The following ARHGAP15 variants were observed in gnomAD, a reference collection of about 807,000 sequenced individuals.
The protein encoded by ARHGAP15 is Rho GTPase activating protein 15, also known as rho GTPase-activating protein 15.
A neutral mutation model predicts 63.7 loss-of-function variants in ARHGAP15; 51 were observed. The ratio of observed to expected loss-of-function variants is 0.80; its 90% CI spans 0.64 to 1.01. The LOEUF (loss-of-function observed/expected upper bound fraction) is 1.01, where lower values mean the gene tolerates loss of function less well. Among genes scored for constraint, ARHGAP15 ranks in the 50% least tolerant of loss-of-function variants. ARHGAP15 has a pLI of 0.00. For synonymous variants in ARHGAP15, 191 were observed against 193.8 expected, an observed-to-expected ratio of 0.99 and a Z score of 0.12; for missense variants, 560 against 564.6, an observed-to-expected ratio of 0.99 and a Z score of 0.08.
intron 2 of ARHGAP15, among the ~76,000 whole-genome samples, chr2:143,192,679 A>G (rs2105093437): frequency 6.6e-6 from 1 of 152,292 alleles, no homozygotes; most frequent in African/African-American, 2.4e-5. Context: ...TCTTTCCATT[A>G]AGACCTCCAG....
intron 8 of ARHGAP15, among the ~76,000 whole-genome samples, chr2:143,440,063 T>C (rs1334557824): frequency 1.3e-5 from 2 of 152,186 alleles, no homozygotes; most frequent in East Asian, 3.9e-4. Context: ...GGCCAGTATG[T>C]TTTTTGCAAT....
intron 10 of ARHGAP15, among the ~76,000 whole-genome samples, chr2:143,520,089 C>T (rs1165434155): frequency 6.6e-6 from 1 of 152,058 alleles, no homozygotes; most frequent in Admixed American, 6.6e-5. Context: ...TATAAAAATG[C>T]AAGGCTTCAT....
chr2:143,632,561 A>G (rs1484415390), intron 12 of ARHGAP15, among the ~76,000 whole-genome samples: 1 of 152,114 alleles, frequency 6.6e-6, no homozygotes, highest in Non-Finnish European at 1.5e-5. Context: ...CATAAGATCA[A>G]CTGAGCACCA....
At chr2:143,417,687 G>A (rs1337931483) in intron 6 of ARHGAP15, among the ~76,000 whole-genome samples, 1 of 152,150 alleles carries the variant, frequency 6.6e-6, no homozygotes, top group Non-Finnish European at 1.5e-5. Flanking sequence ...AAGCCCATAT[G>A]TTTCAACTTG....
At chr2:143,704,665 A>G (rs1273286396) in intron 13 of ARHGAP15, among the ~76,000 whole-genome samples, 1 of 152,192 alleles carries the variant, frequency 6.6e-6, no homozygotes, top group East Asian at 1.9e-4. Flanking sequence ...AACGCAAGTT[A>G]TGAGGTTTTA....
intron 12 of ARHGAP15, among the ~76,000 whole-genome samples, chr2:143,633,007 T>C (rs564129301): frequency 6.6e-6 from 1 of 152,274 alleles, no homozygotes; most frequent in African/African-American, 2.4e-5. Flanking sequence ...GGTGTAAAGG[T>C]TCATCACAAA....
At chr2:143,311,983 ACTC>A (rs1374695174) in intron 6 of ARHGAP15, among the ~76,000 whole-genome samples, 4 of 151,470 alleles carry the variant, frequency 2.6e-5, no homozygotes, top group African/African-American at 7.3e-5. Context: ...TTCACCCTCT[ACTC>A]CTGCCACTGC....
At chr2:143,354,485 C>T (rs1434417443) in intron 6 of ARHGAP15, among the ~76,000 whole-genome samples, 1 of 151,936 alleles carries the variant, frequency 6.6e-6, no homozygotes, top group Non-Finnish European at 1.5e-5. Context: ...CGGAAGGCAC[C>T]AGTTTAATGA....
intron 10 of ARHGAP15, among the ~76,000 whole-genome samples, chr2:143,544,406 T>C (rs984520861): frequency 7.9e-5 from 12 of 152,174 alleles, no homozygotes; most frequent in Non-Finnish European, 1.5e-4. Context: ...TTTCAATCTG[T>C]GTCATAATGT....
At chr2:143,385,241 T>C (rs1687226823) in intron 6 of ARHGAP15, among the ~76,000 whole-genome samples, 1 of 152,058 alleles carries the variant, frequency 6.6e-6, no homozygotes, top group African/African-American at 2.4e-5. Flanking sequence ...TTTACAATGA[T>C]TGAGAACGTT....
At chr2:143,592,311 T>C (rs1269174209) in intron 11 of ARHGAP15, among the ~76,000 whole-genome samples, 7 of 152,256 alleles carry the variant, frequency 4.6e-5, no homozygotes, top group Non-Finnish European at 8.8e-5. Flanking sequence ...TTGCCTATAA[T>C]GTATCTGGTT....
intron 13 of ARHGAP15, among the ~76,000 whole-genome samples, chr2:143,711,958 C>T (rs1195969377): frequency 6.6e-6 from 1 of 152,094 alleles, no homozygotes; most frequent in Non-Finnish European, 1.5e-5. Flanking sequence ...AACCTGTAGA[C>T]ATTAGGAAAA....
chr2:143,674,364 C>A (rs1342234209), intron 12 of ARHGAP15, among the ~76,000 whole-genome samples: 1 of 152,202 alleles, frequency 6.6e-6, no homozygotes, highest in Non-Finnish European at 1.5e-5. Flanking sequence ...GCTAAAGAAT[C>A]CAGACACAAA....
chr2:143,728,795 C>G (rs554320725), intron 13 of ARHGAP15, among the ~76,000 whole-genome samples: 1 of 152,198 alleles, frequency 6.6e-6, no homozygotes, highest in Non-Finnish European at 1.5e-5. Context: ...CCATTACTGC[C>G]GCCCTCCATT....
intron 8 of ARHGAP15, among the ~76,000 whole-genome samples, chr2:143,471,806 G>T (rs1435764858): frequency 6.6e-6 from 1 of 152,112 alleles, no homozygotes; most frequent in Non-Finnish European, 1.5e-5. Context: ...CCATCTACAG[G>T]TTTGAATGCT....
chr2:143,379,485 A>ATGTGTGTGTGTGTGTGTG (rs1234683861), intron 6 of ARHGAP15, among the ~76,000 whole-genome samples: 2 of 90,192 alleles, frequency 2.2e-5, no homozygotes, highest in African/African-American at 4.0e-5. Flanking sequence ...TTAGGCATAT[A>ATGTGTGTGTGTGTGTGTG]TATGTGTGTG....
At chr2:143,167,294 C>T (rs950398129) in intron 2 of ARHGAP15, among the ~76,000 whole-genome samples, 21 of 152,094 alleles carry the variant, frequency 1.4e-4, no homozygotes, top group Non-Finnish European at 7.4e-5. Context: ...TTATTCTTAT[C>T]ATGCCATTGT....
At chr2:143,577,270 C>T (rs1696714455) in intron 11 of ARHGAP15, among the ~76,000 whole-genome samples, 1 of 152,146 alleles carries the variant, frequency 6.6e-6, no homozygotes, top group Admixed American at 6.6e-5. Context: ...ATCCCCTTCA[C>T]TGGGGACTGT....
intron 5 of ARHGAP15, among the ~76,000 whole-genome samples, chr2:143,232,774 C>T (rs1271135854): frequency 6.6e-6 from 1 of 152,086 alleles, no homozygotes; most frequent in Non-Finnish European, 1.5e-5. Context: ...AGCTATATAC[C>T]TTAAAAATAT....
Sources: allele counts gnomAD v4.1 joint callset (sites outside exome capture counted in the v4.1 genomes callset), GRCh38; gene constraint gnomAD v4.1.1; transcripts MANE v1.5; gene names NCBI Gene and HGNC (gene_info 2026-07-23, HGNC 2026-07-21).